The following RBM6 variants were observed in gnomAD, a reference collection of about 807,000 sequenced individuals.
The protein encoded by RBM6 is RNA-binding protein 6.
In RBM6, 23 loss-of-function variants were observed where a neutral mutation model predicts 140.4. The observed-to-expected ratio is 0.16, with a 90% CI of 0.12 to 0.23. The LOEUF is 0.23. Among genes scored for constraint, RBM6 ranks in the 10% least tolerant of loss-of-function variants. RBM6 has a pLI of 1.00. For missense variants in RBM6, 1,139 were observed against 1,386.7 expected (o/e 0.82, Z 2.84); for synonymous variants, 439 against 475.6 (o/e 0.92, Z 1.00).
intron 6 of RBM6, chr3:50,047,282 G>C: frequency 1.0e-6 from 1 of 985,388 alleles, no homozygotes; most frequent in East Asian, 1.1e-4. Context: ...CTAGAGGGCG[G>C]AGAATGAACA....
At chr3:49,958,119 G>A (rs1429977521) in intron 1 of RBM6, among the ~76,000 whole-genome samples, 2 of 152,078 alleles carry the variant, frequency 1.3e-5, no homozygotes, top group African/African-American at 2.4e-5. Context: ...ATGGCTTCAC[G>A]TCTAGCTTTT....
chr3:49,942,631 G>A lies in RBM6; in HGVS notation c.-67+2406G>A, dbSNP rs1400623733. 2.0e-5 allele frequency among the ~76,000 whole-genome samples: 3 copies of A among 152,026 alleles called. No individual in the cohort carries two copies. The East Asian group carries it at 5.8e-4, about 29-fold the overall frequency. The stretch of plus-strand genomic sequence containing the variant: ...AACCAGGGAGGGCATGGTGGCTCAC[G>A]CCTGTAATCCCAGCACTTTGGGAGG... On this transcript the variant is annotated intron_variant, in intron 1 of 20. Transcript: ENST00000266022.
chr3:50,042,752 T>TA (rs1486888154), intron 6 of RBM6, among the ~76,000 whole-genome samples: 2 of 151,586 alleles, frequency 1.3e-5, no homozygotes, highest in African/African-American at 4.9e-5. Flanking sequence ...TGTCTTTTTT[T>TA]TAAAAAAAAA....
chr3:50,019,875 A>G (rs1417334525), intron 6 of RBM6, among the ~76,000 whole-genome samples: 1 of 150,244 alleles, frequency 6.7e-6, no homozygotes, highest in Non-Finnish European at 1.5e-5. Context: ...TGTTCATGTT[A>G]ATTTCTTCTT....
At chr3:50,061,802 C>T (rs1189730383) in intron 14 of RBM6, 160 bp from the exon 15 acceptor site, 10 of 1,254,746 alleles carry the variant, frequency 8.0e-6, no homozygotes, top group East Asian at 2.5e-5. Context: ...TGAATGTGTC[C>T]TGGTCCCTGG....
chr3:49,944,864 A>G (rs1203112509), intron 1 of RBM6, among the ~76,000 whole-genome samples: 1 of 150,304 alleles, frequency 6.7e-6, no homozygotes, highest in Admixed American at 6.7e-5. Flanking sequence ...TGGTAATTCT[A>G]TGTGTAATTT....
At chr3:50,063,912 T>C (rs1402704794) in intron 15 of RBM6, among the ~76,000 whole-genome samples, 1 of 152,094 alleles carries the variant, frequency 6.6e-6, no homozygotes, top group African/African-American at 2.4e-5. Context: ...TGCTTGTGAT[T>C]CAATTCATAA....
At chr3:50,014,210 A>G (rs765468251) in intron 6 of RBM6, among the ~76,000 whole-genome samples, 1 of 152,180 alleles carries the variant, frequency 6.6e-6, no homozygotes, top group African/African-American at 2.4e-5. Context: ...ATATAGTGGG[A>G]ATGCTGTGTA....
At chr3:49,946,196 CA>C (rs1285563762) in intron 1 of RBM6, among the ~76,000 whole-genome samples, 2 of 151,834 alleles carry the variant, frequency 1.3e-5, no homozygotes, top group African/African-American at 4.8e-5. Context: ...GGTTTCAATT[CA>C]GTTTCTCTGC....
At chr3:49,973,691 TTC>T (rs1491134909) in intron 4 of RBM6, among the ~76,000 whole-genome samples, 11,661 of 149,022 alleles carry the variant, frequency 0.078, 515 homozygotes, top group African/African-American at 0.1. Flanking sequence ...GTTCAAGAGA[TTC>T]TCCTGCCTCA....
At chr3:49,975,136 A>G (rs2085005651) in intron 4 of RBM6, among the ~76,000 whole-genome samples, 187 bp from the exon 5 acceptor site, 2 of 151,924 alleles carry the variant, frequency 1.3e-5, no homozygotes, top group Admixed American at 1.3e-4. Flanking sequence ...ACTGCATCCC[A>G]CCAATTTTTG....
At chr3:50,056,120 T>C (rs879677767) in intron 8 of RBM6, among the ~76,000 whole-genome samples, 4 of 152,102 alleles carry the variant, frequency 2.6e-5, no homozygotes, top group Non-Finnish European at 5.9e-5. Flanking sequence ...TGAAAATCTT[T>C]AGGGGAAGGC....
chr3:50,029,548 T>G (rs548472641), intron 6 of RBM6, among the ~76,000 whole-genome samples: 111 of 151,912 alleles, frequency 7.3e-4, no homozygotes, highest in African/African-American at 2.5e-3. Context: ...GCCTAGCCAA[T>G]ATGGCGAAAC....
intron 3 of RBM6, among the ~76,000 whole-genome samples, chr3:49,970,272 G>A (rs533646836): frequency 3.3e-5 from 5 of 152,146 alleles, no homozygotes; most frequent in South Asian, 2.1e-4. Flanking sequence ...TAGACAGAAG[G>A]TTGCAACATA....
chr3:49,969,704 C>T (rs2084695764), intron 3 of RBM6, among the ~76,000 whole-genome samples: 1 of 151,170 alleles, frequency 6.6e-6, no homozygotes, highest in African/African-American at 2.4e-5. Flanking sequence ...CTCAAGCGAT[C>T]CTCCCACCTC....
intron 6 of RBM6, among the ~76,000 whole-genome samples, chr3:50,022,264 T>C (rs996195405): frequency 5.9e-5 from 9 of 152,136 alleles, no homozygotes; most frequent in Admixed American, 5.2e-4. Context: ...CCTGTTGTGT[T>C]TGAAATATTT....
intron 6 of RBM6, among the ~76,000 whole-genome samples, chr3:50,014,150 T>TG: frequency 6.6e-6 from 1 of 152,194 alleles, no homozygotes; most frequent in East Asian, 1.9e-4. Flanking sequence ...TCTCTTTCCT[T>TG]GCCTTATTCC....
chr3:49,945,076 C>G (rs775656609), intron 1 of RBM6, among the ~76,000 whole-genome samples: 131 of 151,478 alleles, frequency 8.6e-4, no homozygotes, highest in Admixed American at 2.0e-3. Context: ...GGGGTTTCAC[C>G]GTGTTAGCCA....
In RBM6 at chr3:50,077,135, A is replaced by G. The variant is rs779339176; in HGVS notation, c.*2A>G. The G allele has an allele frequency of 1.1e-5, 18 of 1,608,414 alleles. No individual in the cohort carries two copies. In the Admixed American group the frequency reaches 2.7e-4, roughly 24 times the overall value. ...GCTCGATATAAAGAACTCGATTAAG[A>G]AAGGAGACAAGTTCCATGGGATACA... On this transcript the variant is annotated 3_prime_UTR_variant, in exon 21 of 21. Coordinates refer to ENST00000266022, the MANE Select transcript of RBM6 (RefSeq NM_005777.3).
Sources: allele counts gnomAD v4.1 joint callset (sites outside exome capture counted in the v4.1 genomes callset), GRCh38; gene constraint gnomAD v4.1.1; transcripts MANE v1.5; gene names NCBI Gene and HGNC (gene_info 2026-07-23, HGNC 2026-07-21).